The following GOLGA7B variants were observed in gnomAD, a reference collection of about 807,000 sequenced individuals.
GOLGA7B encodes golgin subfamily A member 7B.
Under a neutral mutation model 21.5 loss-of-function variants are expected in GOLGA7B, and 17 were observed. That is an observed-to-expected ratio of 0.79 (90% CI 0.54 to 1.19). The LOEUF is 1.19. Among genes scored for constraint, GOLGA7B ranks in the 50% most tolerant of loss-of-function variants. GOLGA7B has a pLI of 0.00. For missense variants in GOLGA7B, 169 were observed against 224.4 expected, an observed-to-expected ratio of 0.75 and a Z score of 1.58; for synonymous variants, 87 against 84.0, an observed-to-expected ratio of 1.04 and a Z score of -0.19.
chr10:97,857,730 C>T (rs1433466558), intron 1 of GOLGA7B, among the ~76,000 whole-genome samples: 1 of 152,116 alleles, frequency 6.6e-6, no homozygotes, highest in Non-Finnish European at 1.5e-5. Context: ...ATTACATTGC[C>T]TGACGTTAAA....
intron 1 of GOLGA7B, among the ~76,000 whole-genome samples, chr10:97,855,178 A>T (rs533415919): frequency 3.9e-5 from 6 of 152,364 alleles, no homozygotes; most frequent in Non-Finnish European, 5.9e-5. Context: ...ATGTGTGTAC[A>T]CATGTGTGCA....
At chr10:97,860,354 A>G (rs2049962677) in intron 2 of GOLGA7B, among the ~76,000 whole-genome samples, 1 of 151,874 alleles carries the variant, frequency 6.6e-6, no homozygotes, top group Non-Finnish European at 1.5e-5. Flanking sequence ...CTGTTGTGCT[A>G]TCAAATACTA....
At chr10:97,863,547 C>T (rs1356869516) in intron 2 of GOLGA7B, among the ~76,000 whole-genome samples, 1 of 152,156 alleles carries the variant, frequency 6.6e-6, no homozygotes, top group Non-Finnish European at 1.5e-5. Flanking sequence ...CAAGATGGGA[C>T]GTGTCAAAGT....
Position 97,871,090 on chromosome 10 carries a change from A to G in GOLGA7B, c.*5390A>G, listed in dbSNP as rs1356576038. 6 of 152,142 alleles carry G rather than the reference A, an allele frequency of 3.9e-5. No individual in the cohort carries two copies. The highest frequency in any genetic ancestry group is 7.4e-5 in the Non-Finnish European group (5 of 68,020). The allele number at this position is 152,142 out of a possible 1,614,324, so 9.4% of individuals were successfully genotyped here. On this transcript the variant is annotated 3_prime_UTR_variant, in exon 5 of 5. Transcript: ENST00000370602. ...GAGCCCAGCCTTCGGAGGTTTCCGC[A>G]TGAGCCTTCTCGGGCGACTTCTAGG... is the stretch of plus-strand genomic sequence containing the variant.
At chr10:97,864,335 C>G (rs1201702982) in intron 4 of GOLGA7B, 66 bp downstream of exon 4, 3 of 1,417,952 alleles carry the variant, frequency 2.1e-6, no homozygotes. Context: ...CCTGGTGAGG[C>G]TGCCAGGAAA....
intron 1 of GOLGA7B, 66 bp downstream of exon 1, chr10:97,850,381 G>A: frequency 7.0e-7 from 1 of 1,430,998 alleles, no homozygotes; most frequent in East Asian, 2.8e-5. Flanking sequence ...CCTAGGGGTG[G>A]GCTGGGCAGG....
chr10:97,850,783 A>C (rs1381700150), intron 1 of GOLGA7B, among the ~76,000 whole-genome samples: 12 of 151,922 alleles, frequency 7.9e-5, no homozygotes, highest in Admixed American at 7.9e-4. Flanking sequence ...GGGGACAAAG[A>C]CATCCTCAGG....
chr10:97,862,063 A>G (rs2136517225), intron 2 of GOLGA7B, among the ~76,000 whole-genome samples: 1 of 152,292 alleles, frequency 6.6e-6, no homozygotes, highest in South Asian at 2.1e-4. Flanking sequence ...TAGGGCTACT[A>G]TTTTGACACT....
At position 97,859,529 on chromosome 10, in the gene GOLGA7B, C is replaced by T. The variant is rs764761052; in HGVS notation, c.84C>T (p.Ser28=). ...ATKVFIQRDY[S]DGTICQFQTK... ...AGGTCTTTATCCAGAGAGACTACAG[C>T]GATGGGACCATCTGTCAGTTCCAGA... is the stretch of plus-strand genomic sequence containing the variant. Residue 28 remains serine (S), a synonymous_variant, in exon 2 of 5, where the codon AGC becomes AGT. Transcript: ENST00000370602. 23 of 1,613,882 alleles carry T rather than the reference C, an allele frequency of 1.4e-5. No homozygotes were observed. The highest frequency in any genetic ancestry group is 2.7e-5 in the African/African-American group (2 of 74,912).
rs2050017663 is a variant in GOLGA7B, at chr10:97,865,913, G to A, written c.*213G>A. The A allele has an allele frequency of 1.3e-6, 1 of 748,388 alleles. No individual in the cohort carries two copies. Among genetic ancestry groups the A allele is most frequent in the Non-Finnish European group, 2.0e-6 (1 of 500,422 alleles). 46.4% of individuals were successfully genotyped at this position (748,388 alleles called of 1,614,324 possible). Reference sequence around the variant, plus strand: ...CCCCGTCTGGATCAGTCCATTTCCTGACCTGGGGGCTTTTCCTTCCCGATG... The same window carrying A: ...CCCCGTCTGGATCAGTCCATTTCCTAACCTGGGGGCTTTTCCTTCCCGATG... On this transcript the variant is annotated 3_prime_UTR_variant, in exon 5 of 5. Transcript: ENST00000370602.
intron 1 of GOLGA7B, among the ~76,000 whole-genome samples, chr10:97,858,328 A>G (rs1463399943): frequency 6.6e-6 from 1 of 152,130 alleles, no homozygotes; most frequent in South Asian, 2.1e-4. Context: ...GCACCCCCAG[A>G]GCTTGGCACT....
intron 1 of GOLGA7B, among the ~76,000 whole-genome samples, chr10:97,856,225 C>T (rs910283541): frequency 6.6e-6 from 1 of 152,070 alleles, no homozygotes; most frequent in Non-Finnish European, 1.5e-5. Flanking sequence ...TAACCCTCAC[C>T]CCCTCCCCTC....
chr10:97,860,285 G>T (rs950164358), intron 2 of GOLGA7B, among the ~76,000 whole-genome samples: 2 of 152,048 alleles, frequency 1.3e-5, no homozygotes, highest in Non-Finnish European at 2.9e-5. Context: ...AAACAATCCA[G>T]TTATACTCTT....
At position 97,868,656 on chromosome 10, in the gene GOLGA7B, C is replaced by A. The variant is rs932124586; in HGVS notation, c.*2956C>A. On this transcript the variant is annotated 3_prime_UTR_variant, in exon 5 of 5. Transcript: ENST00000370602. ...GTGGGTTGCCACAAGTGAGCGTGTTCTCTAATATGAGGGCAGGTTCATTCT... is the reference window on the plus strand; with the variant it reads ...GTGGGTTGCCACAAGTGAGCGTGTTATCTAATATGAGGGCAGGTTCATTCT... 6.6e-6 allele frequency: 1 copy of A among 152,228 alleles called. No individual in the cohort carries two copies. The highest frequency in any genetic ancestry group is 1.5e-5 in the Non-Finnish European group (1 of 68,082). The allele number at this position is 152,228 out of a possible 1,614,324, so 9.4% of individuals were successfully genotyped here.
At chr10:97,855,856 A>T (rs548843596) in intron 1 of GOLGA7B, among the ~76,000 whole-genome samples, 1 of 152,364 alleles carries the variant, frequency 6.6e-6, no homozygotes, top group East Asian at 1.9e-4. Flanking sequence ...GAATCAACTC[A>T]TATAAGCCTA....
rs145883713 is a variant in GOLGA7B, at chr10:97,862,633, G to A, written c.139-1297G>A. Among the ~76,000 whole-genome samples, 931 of 152,234 alleles carry A rather than the reference G, an allele frequency of 6.1e-3. 5 individuals carry two copies. Among genetic ancestry groups the A allele is most frequent in the African/African-American group, 0.021 (889 of 41,540 alleles). On this transcript the variant is annotated intron_variant, in intron 2 of 4. Transcript: ENST00000370602. ...GAGGAAGAGGAGGAACAGGACAGGT[G>A]GATCTTGCTGTCTCAGGGGTGGCAG...
intron 2 of GOLGA7B, among the ~76,000 whole-genome samples, chr10:97,862,094 A>G (rs1318566715): frequency 6.6e-6 from 1 of 152,208 alleles, no homozygotes; most frequent in African/African-American, 2.4e-5. Context: ...CTGAGTTTGG[A>G]ATGTGACCTT....
intron 1 of GOLGA7B, among the ~76,000 whole-genome samples, chr10:97,859,230 T>A (rs2136515556): frequency 6.6e-6 from 1 of 152,354 alleles, no homozygotes; most frequent in East Asian, 1.9e-4. Flanking sequence ...TGCTTTAGGC[T>A]TTTAAAAGAT....
Position 97,865,816 on chromosome 10 carries a change from C to G in GOLGA7B, c.*116C>G. On this transcript the variant is annotated 3_prime_UTR_variant, in exon 5 of 5. Coordinates refer to ENST00000370602, the MANE Select transcript of GOLGA7B (RefSeq NM_001010917.3). Reference sequence around the variant, plus strand: ...GTCATTCTTTGGGCTCACCCTGCTGCCCGGGGTGGGAGGGAGGGTGACGGG... The same window carrying G: ...GTCATTCTTTGGGCTCACCCTGCTGGCCGGGGTGGGAGGGAGGGTGACGGG... 7.4e-7 allele frequency: 1 copy of G among 1,345,972 alleles called. No individual in the cohort carries two copies. Among genetic ancestry groups the G allele is most frequent in the Non-Finnish European group, 9.8e-7 (1 of 1,018,374 alleles). The allele number at this position is 1,345,972 out of a possible 1,614,324, so 83.4% of individuals were successfully genotyped here. A position where few individuals can be genotyped will look rare whatever the true frequency, so the allele number is the denominator to read the frequency against.
Sources: allele counts gnomAD v4.1 joint callset (sites outside exome capture counted in the v4.1 genomes callset), GRCh38; gene constraint gnomAD v4.1.1; transcripts MANE v1.5; gene names NCBI Gene and HGNC (gene_info 2026-07-23, HGNC 2026-07-21).